Variants in SLC25A12 observed in about 807,000 individuals in gnomAD.
SLC25A12 encodes electrogenic aspartate/glutamate antiporter SLC25A12, mitochondrial.
A neutral mutation model predicts 83.3 loss-of-function variants in SLC25A12; 32 were observed. The ratio of observed to expected loss-of-function variants is 0.38; its 90% confidence interval spans 0.29 to 0.52. The LOEUF is 0.52. Ranked by LOEUF, SLC25A12 falls within the 20% of genes least tolerant of loss-of-function variation. The probability of loss-of-function intolerance (pLI) is 0.84; values close to 1 mark genes in which losing one functional copy is unlikely to be tolerated. For missense variants in SLC25A12, 611 were observed against 835.6 expected, an observed-to-expected ratio of 0.73 and a Z score of 3.31; for synonymous variants, 267 against 291.1, an observed-to-expected ratio of 0.92 and a Z score of 0.84.
At chr2:171,881,302 G>T (rs942770643) in intron 2 of SLC25A12, among the ~76,000 whole-genome samples, 2 of 152,060 alleles carry the variant, frequency 1.3e-5, no homozygotes, top group African/African-American at 4.8e-5. Flanking sequence ...ACAGGCATCC[G>T]CCATCATGCC....
chr2:171,815,780 C>T (rs914584190), intron 9 of SLC25A12, among the ~76,000 whole-genome samples: 2 of 151,996 alleles, frequency 1.3e-5, no homozygotes, highest in Admixed American at 1.3e-4. Flanking sequence ...AAGAAAGGAT[C>T]TAAGATAACT....
rs139083370 is a variant in SLC25A12 at position 171,848,230 on chromosome 2, A to T, written c.326-3722T>A. On this transcript the variant is annotated intron_variant, in intron 4 of 17. Coordinates refer to ENST00000422440, the MANE Select transcript of SLC25A12 (RefSeq NM_003705.5). ...TGCCACCATGCCTGTTCCATGAATG[A>T]GCCTGGAAGGAGCTGCTGTACCAAC... 3.4e-5 allele frequency: 16 copies of T among 471,080 alleles called. 1 individual carries two copies. The East Asian group carries it at 1.0e-3, about 31-fold the overall frequency. The allele number at this position is 471,080 out of a possible 1,614,324, so 29.2% of individuals were successfully genotyped here.
At chr2:171,858,421 C>T (rs1996425) in intron 3 of SLC25A12, among the ~76,000 whole-genome samples, 124,282 of 152,108 alleles carry the variant, frequency 0.82, 51,867 homozygotes, top group Middle Eastern at 0.91. Context: ...TTCTACAAAA[C>T]AGCATCAAGA....
chr2:171,892,546 A>G (rs1390061332), intron 2 of SLC25A12, among the ~76,000 whole-genome samples: 3 of 152,104 alleles, frequency 2.0e-5, no homozygotes, highest in Non-Finnish European at 2.9e-5. Context: ...CTTAAGTACA[A>G]TTTCCTGCAT....
intron 4 of SLC25A12, among the ~76,000 whole-genome samples, chr2:171,847,204 T>G (rs1684816654): frequency 6.6e-6 from 1 of 152,230 alleles, no homozygotes; most frequent in Admixed American, 6.5e-5. Context: ...CAAACCTACT[T>G]TGGCACTTCT....
chr2:171,863,529 C>CAA (rs56272846), intron 3 of SLC25A12, among the ~76,000 whole-genome samples: 1 of 128,386 alleles, frequency 7.8e-6, no homozygotes. Context: ...CCGTCTCCGA[C>CAA]AAAAAAAAAA....
chr2:171,865,177 T>A (rs1685259941), intron 3 of SLC25A12, among the ~76,000 whole-genome samples: 3 of 152,160 alleles, frequency 2.0e-5, no homozygotes, highest in African/African-American at 7.2e-5. Context: ...ACCTATTGAA[T>A]GAATGGAAGA....
chr2:171,857,955 A>G (rs1021722435), intron 3 of SLC25A12, among the ~76,000 whole-genome samples: 3 of 152,098 alleles, frequency 2.0e-5, no homozygotes, highest in African/African-American at 7.2e-5. Context: ...GGGGAAACTC[A>G]TATGTTGGGT....
intron 11 of SLC25A12, 95 bp downstream of exon 11, chr2:171,813,244 G>GCATAC: frequency 8.0e-7 from 1 of 1,247,798 alleles, no homozygotes; most frequent in Non-Finnish European, 1.2e-6. Context: ...GTCTGGCTAG[G>GCATAC]CATACTACAT....
chr2:171,792,077 T>G (rs938455189), intron 14 of SLC25A12, among the ~76,000 whole-genome samples: 23 of 151,822 alleles, frequency 1.5e-4, no homozygotes, highest in Non-Finnish European at 2.9e-5. Flanking sequence ...TCTCTCCTCA[T>G]TCCCCATGTC....
At chr2:171,790,765 T>C (rs1683436352) in intron 15 of SLC25A12, among the ~76,000 whole-genome samples, 1 of 152,026 alleles carries the variant, frequency 6.6e-6, no homozygotes, top group Non-Finnish European at 1.5e-5. Flanking sequence ...TGGAGTACAG[T>C]GGTGTCATCT....
intron 2 of SLC25A12, among the ~76,000 whole-genome samples, chr2:171,890,155 T>C (rs1685900885): frequency 6.6e-6 from 1 of 152,250 alleles, no homozygotes; most frequent in Admixed American, 6.5e-5. Flanking sequence ...TCTCTTGATA[T>C]TCGACTTGGT....
chr2:171,842,281 A>G lies in SLC25A12; in HGVS notation c.465+2088T>C, dbSNP rs193016455. ...AAACATTATGCTAAGTGGAAAAAAAAAAAAACAGATGCAAAAGTTCATATT... is the reference window on the plus strand; with the variant it reads ...AAACATTATGCTAAGTGGAAAAAAAGAAAAACAGATGCAAAAGTTCATATT... On this transcript the variant is annotated intron_variant, in intron 5 of 17. Coordinates refer to ENST00000422440, the MANE Select transcript of SLC25A12 (RefSeq NM_003705.5). 1.5e-3 allele frequency among the ~76,000 whole-genome samples: 235 copies of G among 152,242 alleles called. 1 individual carries two copies. Among genetic ancestry groups the G allele is most frequent in the African/African-American group, 5.4e-3 (225 of 41,562 alleles).
intron 3 of SLC25A12, among the ~76,000 whole-genome samples, chr2:171,867,738 G>A (rs908333507): frequency 2.6e-5 from 4 of 152,200 alleles, no homozygotes; most frequent in East Asian, 1.9e-4. Flanking sequence ...TTAAATATAG[G>A]ATGCCAGTAT....
chr2:171,833,771 C>T (rs1684497787), intron 8 of SLC25A12, among the ~76,000 whole-genome samples, 192 bp downstream of exon 8: 1 of 151,586 alleles, frequency 6.6e-6, no homozygotes, highest in South Asian at 2.1e-4. Context: ...TCTTCTCCCT[C>T]TGTCTGTCTT....
In SLC25A12 at chr2:171,894,243, G is replaced by A; in HGVS notation, c.-29C>T. On this transcript the variant is annotated 5_prime_UTR_variant, in exon 1 of 18. Transcript: ENST00000422440. ...GTGCTCGGAAGCCGGGGACGAGCGAGTGAGCGAGCAGGGCCGAGCTGTCAG... is the reference window on the plus strand; with the variant it reads ...GTGCTCGGAAGCCGGGGACGAGCGAATGAGCGAGCAGGGCCGAGCTGTCAG... The A allele has an allele frequency of 2.5e-6, 4 of 1,606,792 alleles. No homozygotes were observed. Among genetic ancestry groups the A allele is most frequent in the Non-Finnish European group, 2.5e-6 (3 of 1,176,740 alleles).
chr2:171,795,072 A>C (rs758738139), intron 13 of SLC25A12, among the ~76,000 whole-genome samples: 4 of 151,744 alleles, frequency 2.6e-5, no homozygotes, highest in Admixed American at 1.3e-4. Flanking sequence ...TGACTCCTTA[A>C]CTCCTTTCAA....
At chr2:171,849,401 GA>G (rs1383271944) in intron 4 of SLC25A12, among the ~76,000 whole-genome samples, 1,939 of 138,908 alleles carry the variant, frequency 0.014, 36 homozygotes, top group African/African-American at 0.046. Context: ...GCAACACCAA[GA>G]AAAAAAAAAA....
chr2:171,821,738 T>A (rs1415768786), intron 9 of SLC25A12, among the ~76,000 whole-genome samples: 1 of 152,224 alleles, frequency 6.6e-6, no homozygotes, highest in African/African-American at 2.4e-5. Context: ...TGGATACAGA[T>A]CCTCTATTAT....
Sources: gnomAD v4.1 joint callset for allele counts (sites outside exome capture counted in the v4.1 genomes callset) on GRCh38, gnomAD v4.1.1 for gene constraint, MANE v1.5 for transcripts, NCBI Gene and HGNC (gene_info 2026-07-23, HGNC 2026-07-21) for gene names.